Variants in LRCH2 observed in about 807,000 individuals in gnomAD.
The protein encoded by LRCH2 is leucine-rich repeat and calponin homology domain-containing protein 2.
A neutral mutation model predicts 68.9 loss-of-function variants in LRCH2; 38 were observed. That is an observed-to-expected ratio of 0.55 (90% CI 0.43 to 0.72). The LOEUF (loss-of-function observed/expected upper bound fraction) is 0.72. Ranked by LOEUF, LRCH2 falls within the 30% of genes least tolerant of loss-of-function variation. The pLI, the probability that LRCH2 is intolerant of heterozygous loss-of-function variation, is 0.00. For missense variants in LRCH2, 528 were observed against 572.9 expected (o/e 0.92, Z 0.80); for synonymous variants, 191 against 208.1 (o/e 0.92, Z 0.71).
chrX:115,210,438 A>C (rs915609709), intron 1 of LRCH2, among the ~76,000 whole-genome samples: 7 of 112,358 alleles, frequency 6.2e-5, no homozygotes, highest in African/African-American at 2.3e-4. Context: ...GGTGCACAGA[A>C]GTCAAGAATT....
rs782744245 is a variant in LRCH2, at chrX:115,171,021, T to A, written c.865-589A>T. On this transcript the variant is annotated intron_variant, in intron 5 of 20. Transcript: ENST00000317135. ...TTTCGTTGGCCATAGAGAAAATGAA[T>A]AATGAGGAATAAAATACTATGTGAG... is the stretch of plus-strand genomic sequence containing the variant. Among the ~76,000 whole-genome samples the A allele has an allele frequency of 1.1e-4, 12 of 111,521 alleles. No homozygotes were observed. In the South Asian group the frequency reaches 4.0e-3, roughly 38 times the overall value.
At chrX:115,220,422 A>G (rs782559697) in intron 1 of LRCH2, among the ~76,000 whole-genome samples, 1 of 112,057 alleles carries the variant, frequency 8.9e-6, no homozygotes, top group African/African-American at 3.2e-5. Context: ...TTTTTGCAAG[A>G]GAAGAAGCAG....
intron 6 of LRCH2, among the ~76,000 whole-genome samples, chrX:115,170,000 T>C (rs1022265702): frequency 6.3e-5 from 7 of 111,848 alleles, no homozygotes; most frequent in Non-Finnish European, 1.1e-4. Context: ...AAATGTACAA[T>C]ACAGTGATCA....
chrX:115,233,792 G>A lies in LRCH2; in HGVS notation c.250C>T (p.Leu84=). The A allele has an allele frequency of 8.5e-7, 1 of 1,176,103 alleles. No individual in the cohort carries two copies. The highest frequency in any genetic ancestry group is 1.1e-6 in the Non-Finnish European group (1 of 877,129). The change falls in exon 1 of 21, where the codon CTG becomes TTG. Residue 84 remains leucine (L), a synonymous_variant. Coordinates refer to ENST00000317135, the MANE Select transcript of LRCH2 (RefSeq NM_020871.4). The stretch of plus-strand genomic sequence containing the variant: ...ATGCCGGAGCTGCCCGCCTCTTCCA[G>A]GGCCCGGTCCAGGCTCCTCACGGTG... The part of the protein sequence containing the change: ...QHTVRSLDRA[L]EEAGSSGILS...
At chrX:115,170,919 G>A (rs946903436) in intron 5 of LRCH2, among the ~76,000 whole-genome samples, 4 of 111,458 alleles carry the variant, frequency 3.6e-5, no homozygotes, top group African/African-American at 9.7e-5. Context: ...TGAAAGGTAC[G>A]ATATTAGGCT....
At chrX:115,127,614 C>T (rs1348164245) in intron 15 of LRCH2, among the ~76,000 whole-genome samples, 2 of 110,316 alleles carry the variant, frequency 1.8e-5, no homozygotes, top group African/African-American at 6.6e-5. Flanking sequence ...CAATGCATGG[C>T]ATATTATGAG....
chrX:115,120,097 G>C (rs1262046254), intron 20 of LRCH2, among the ~76,000 whole-genome samples: 5 of 102,605 alleles, frequency 4.9e-5, no homozygotes, highest in Non-Finnish European at 6.0e-5. Flanking sequence ...TACCATTCAG[G>C]ACATAGGCAT....
intron 1 of LRCH2, among the ~76,000 whole-genome samples, chrX:115,208,646 A>G (rs2072985819): frequency 8.9e-6 from 1 of 111,947 alleles, no homozygotes; most frequent in South Asian, 3.8e-4. Flanking sequence ...TTCCTGGCCC[A>G]CTGGCTACCA....
chrX:115,210,501 T>C (rs942183596), intron 1 of LRCH2, among the ~76,000 whole-genome samples: 6 of 112,335 alleles, frequency 5.3e-5, no homozygotes, highest in Non-Finnish European at 9.4e-5. Flanking sequence ...AATGCCTGTA[T>C]GTCCAGGCAG....
chrX:115,189,724 G>C (rs1556556317), intron 1 of LRCH2: 2 of 1,166,118 alleles, frequency 1.7e-6, no homozygotes, highest in African/African-American at 3.6e-5. Context: ...CAGCCGATGG[G>C]TCCCGCCAAC....
intron 20 of LRCH2, 139 bp from the exon 21 acceptor site, chrX:115,113,474 G>A (rs1304804051): frequency 6.5e-6 from 3 of 463,053 alleles, no homozygotes; most frequent in Non-Finnish European, 9.9e-6. Flanking sequence ...TATAAATATT[G>A]TAATCTAAAA....
At chrX:115,224,142 C>T (rs1556575317) in intron 1 of LRCH2, among the ~76,000 whole-genome samples, 1 of 111,466 alleles carries the variant, frequency 9.0e-6, no homozygotes, top group African/African-American at 3.3e-5. Context: ...AAGTCATTTA[C>T]ATAAAATGTA....
chrX:115,126,578 T>C (rs2147349446), intron 16 of LRCH2: 1 of 209,550 alleles, frequency 4.8e-6, no homozygotes, highest in African/African-American at 2.9e-5. Context: ...CTTCCAAAAA[T>C]CACTACAGAC....
intron 5 of LRCH2, among the ~76,000 whole-genome samples, chrX:115,174,943 G>T (rs7889745): frequency 9.1e-6 from 1 of 109,297 alleles, no homozygotes; most frequent in South Asian, 4.0e-4. Context: ...GGATTAGGCG[G>T]TTGAAACTTT....
At chrX:115,160,462 T>C (rs975975126) in intron 11 of LRCH2, among the ~76,000 whole-genome samples, 1 of 112,378 alleles carries the variant, frequency 8.9e-6, no homozygotes, top group East Asian at 2.8e-4. Flanking sequence ...CATGGCTTCA[T>C]TTAGCTGAGA....
intron 1 of LRCH2, among the ~76,000 whole-genome samples, chrX:115,220,085 C>T (rs1014173924): frequency 8.9e-6 from 1 of 111,904 alleles, no homozygotes; most frequent in Non-Finnish European, 1.9e-5. Flanking sequence ...CAAACACTGT[C>T]GAGAATTTAT....
intron 1 of LRCH2, among the ~76,000 whole-genome samples, chrX:115,228,703 T>C (rs2073134864): frequency 9.0e-6 from 1 of 111,664 alleles, no homozygotes; most frequent in Non-Finnish European, 1.9e-5. Flanking sequence ...AAATATTAAA[T>C]TTAAACCTTA....
At chrX:115,142,970 C>T (rs2072352226) in intron 14 of LRCH2, among the ~76,000 whole-genome samples, 1 of 110,093 alleles carries the variant, frequency 9.1e-6, no homozygotes, top group African/African-American at 3.3e-5. Context: ...TGTGGTGGTG[C>T]CTGTAGTCCC....
intron 20 of LRCH2, among the ~76,000 whole-genome samples, chrX:115,120,777 T>C (rs1402982948): frequency 1.9e-5 from 2 of 105,381 alleles, no homozygotes; most frequent in African/African-American, 7.0e-5. Context: ...AACCCAAATG[T>C]CCAACAATGA....
Sources: gnomAD v4.1 joint callset for allele counts (sites outside exome capture counted in the v4.1 genomes callset) on GRCh38, gnomAD v4.1.1 for gene constraint, MANE v1.5 for transcripts, NCBI Gene and HGNC (gene_info 2026-07-23, HGNC 2026-07-21) for gene names.